HNF4G: variants seen among roughly 807,000 people sequenced by gnomAD.
HNF4G encodes hepatocyte nuclear factor 4 gamma.
HNF4G carries 21 observed loss-of-function variants against 50.9 expected under a neutral mutation model. The observed-to-expected ratio is 0.41, with a 90% CI of 0.29 to 0.59. The LOEUF (loss-of-function observed/expected upper bound fraction) is 0.59. Among genes scored for constraint, HNF4G ranks in the 20% least tolerant of loss-of-function variants. The pLI, the probability that HNF4G is intolerant of heterozygous loss-of-function variation, is 0.26. For missense variants in HNF4G, 527 were observed against 559.4 expected (o/e 0.94, Z 0.58); for synonymous variants, 198 against 185.6 (o/e 1.07, Z -0.54).
intron 2 of HNF4G, among the ~76,000 whole-genome samples, chr8:75,495,757 C>T (rs550710256): frequency 4.0e-5 from 6 of 151,824 alleles, no homozygotes; most frequent in East Asian, 1.9e-4. Flanking sequence ...AGTCTGGTCT[C>T]GAACTCCTGG....
At chr8:75,546,897 C>T (rs938965115) in intron 2 of HNF4G, among the ~76,000 whole-genome samples, 14 of 152,246 alleles carry the variant, frequency 9.2e-5, no homozygotes, top group Admixed American at 1.3e-4. Flanking sequence ...AGCATGGCAT[C>T]GCTGGGTTAT....
At chr8:75,440,051 C>G (rs1585844373) in intron 1 of HNF4G, among the ~76,000 whole-genome samples, 1 of 152,082 alleles carries the variant, frequency 6.6e-6, no homozygotes, top group Middle Eastern at 3.4e-3. Context: ...ACCATCAGAA[C>G]ATTATCTTAA....
chr8:75,472,379 T>G (rs1453718003), intron 1 of HNF4G, among the ~76,000 whole-genome samples: 2 of 152,178 alleles, frequency 1.3e-5, no homozygotes, highest in Non-Finnish European at 2.9e-5. Context: ...GAAATCTCCA[T>G]TGAATCCTGT....
At chr8:75,492,628 G>T (rs554695302) in intron 2 of HNF4G, among the ~76,000 whole-genome samples, 13 of 152,080 alleles carry the variant, frequency 8.5e-5, no homozygotes, top group Admixed American at 3.9e-4. Flanking sequence ...TATGAGATGG[G>T]TCTCTTTATC....
At chr8:75,514,465 G>T (rs1585912005) in intron 2 of HNF4G, among the ~76,000 whole-genome samples, 2 of 148,098 alleles carry the variant, frequency 1.4e-5, no homozygotes, top group East Asian at 4.0e-4. Flanking sequence ...CAAATCTCCT[G>T]CCTCAGCCTC....
chr8:75,527,209 A>T (rs1806209091), intron 2 of HNF4G: 1 of 152,006 alleles, frequency 6.6e-6, no homozygotes, highest in African/African-American at 2.4e-5. Flanking sequence ...AACGGCTATG[A>T]TGTGCCTTAT....
intron 1 of HNF4G, among the ~76,000 whole-genome samples, chr8:75,467,115 A>G (rs1190015756): frequency 6.6e-6 from 1 of 151,976 alleles, no homozygotes. Context: ...ATACATTCTC[A>G]TTTGTTTTCT....
intron 1 of HNF4G, among the ~76,000 whole-genome samples, chr8:75,455,899 T>A (rs1811708356): frequency 6.6e-6 from 1 of 152,108 alleles, no homozygotes; most frequent in Non-Finnish European, 1.5e-5. Flanking sequence ...CAAAAAAAAG[T>A]CAAACCAAAA....
chr8:75,562,608 G>A (rs1807346894), intron 9 of HNF4G, among the ~76,000 whole-genome samples: 1 of 152,132 alleles, frequency 6.6e-6, no homozygotes, highest in African/African-American at 2.4e-5. Context: ...ACTGACAAGA[G>A]AGTTGGACAG....
chr8:75,487,141 C>T (rs9298256), intron 1 of HNF4G, among the ~76,000 whole-genome samples: 34,742 of 152,164 alleles, frequency 0.23, 5,181 homozygotes, highest in African/African-American at 0.42. Context: ...ATTTTGACAA[C>T]CTTTATATTC....
chr8:75,521,471 T>A (rs1471905747), intron 2 of HNF4G, among the ~76,000 whole-genome samples: 2 of 152,226 alleles, frequency 1.3e-5, no homozygotes, highest in Non-Finnish European at 2.9e-5. Flanking sequence ...AGTAGGTGAA[T>A]GATTTCTTTT....
intron 1 of HNF4G, among the ~76,000 whole-genome samples, chr8:75,463,650 C>G (rs1349523065): frequency 6.6e-6 from 1 of 151,306 alleles, no homozygotes; most frequent in Non-Finnish European, 1.5e-5. Context: ...GGTATTAATT[C>G]TCCTACTCAT....
Position 75,564,067 on chromosome 8 carries a change from C to G in HNF4G, c.1339C>G (p.Gln447Glu). 1 of 1,613,482 alleles carries G rather than the reference C, an allele frequency of 6.2e-7. No homozygotes were observed. Among genetic ancestry groups the G allele is most frequent in the Non-Finnish European group, 8.5e-7 (1 of 1,179,554 alleles). Reference protein sequence around the residue: ...AANQASVISHQHLSKQKQL With the variant: ...AANQASVISHEHLSKQKQL ...AAACCAAGCATCAGTCATTTCACAC[C>G]AGCATCTCTCCAAACAAAAGCAATT... is the stretch of plus-strand genomic sequence containing the variant. Residue 447 changes from glutamine to glutamate, a missense_variant, in exon 10 of 10, where the codon CAG becomes GAG. Physicochemically the swap from Gln to Glu is conservative, Grantham distance 29 (BLOSUM62 2). Around this residue, in one of 5 missense-constraint regions of HNF4G, gnomAD observed 308 missense variants for 301.5 expected, o/e 1.02. Transcript: ENST00000396423.
intron 2 of HNF4G, among the ~76,000 whole-genome samples, chr8:75,515,120 A>T (rs1805856247): frequency 6.6e-6 from 1 of 152,192 alleles, no homozygotes; most frequent in Admixed American, 6.5e-5. Context: ...TAGTCTTTCC[A>T]GTGTTCCATT....
intron 1 of HNF4G, among the ~76,000 whole-genome samples, chr8:75,424,367 T>G (rs1309649333): frequency 6.6e-6 from 1 of 152,192 alleles, no homozygotes; most frequent in Non-Finnish European, 1.5e-5. Context: ...CATCTTAAAT[T>G]TTTTACCTTT....
At chr8:75,455,196 A>G (rs1405990737) in intron 1 of HNF4G, among the ~76,000 whole-genome samples, 2 of 152,198 alleles carry the variant, frequency 1.3e-5, no homozygotes, top group African/African-American at 4.8e-5. Context: ...CGACTTCCTA[A>G]CAAATTAGTA....
At chr8:75,417,988 T>C (rs1056978029) in intron 1 of HNF4G, among the ~76,000 whole-genome samples, 46 of 149,768 alleles carry the variant, frequency 3.1e-4, no homozygotes, top group Admixed American at 1.9e-3. Flanking sequence ...CACACACACA[T>C]ATATTTTAGG....
upstream of HNF4G, among the ~76,000 whole-genome samples, chr8:75,535,746 A>T (rs1235134406): frequency 6.6e-6 from 1 of 151,890 alleles, no homozygotes; most frequent in Non-Finnish European, 1.5e-5. Context: ...AATAACCCTT[A>T]TTTTATTAGC....
upstream of HNF4G, among the ~76,000 whole-genome samples, chr8:75,536,219 AT>A (rs989478974): frequency 2.9e-4 from 44 of 152,032 alleles, no homozygotes; most frequent in Non-Finnish European, 5.3e-4. Context: ...ATATATTTAT[AT>A]TTTTTGATAC....
Sources: gnomAD v4.1 joint callset for allele counts (sites outside exome capture counted in the v4.1 genomes callset) on GRCh38, gnomAD v4.1.1 for gene constraint, gnomAD v4.1.1 regional missense constraint, MANE v1.5 for transcripts, NCBI Gene and HGNC (gene_info 2026-07-23, HGNC 2026-07-21) for gene names.